CADM2: variants seen among roughly 807,000 people sequenced by gnomAD.
CADM2 encodes the protein immunoglobulin superfamily member 4D.
CADM2 carries 12 observed loss-of-function variants against 49.8 expected under a neutral mutation model. That is an observed-to-expected ratio of 0.24 (90% confidence interval 0.15 to 0.39). CADM2 has a LOEUF of 0.39. Among genes scored for constraint, CADM2 ranks in the 10% least tolerant of loss-of-function variants. CADM2 has a pLI of 1.00. For missense variants in CADM2, 378 were observed against 492.3 expected (o/e 0.77, Z 2.20); for synonymous variants, 214 against 175.4 (o/e 1.22, Z -1.74).
intron 1 of CADM2, among the ~76,000 whole-genome samples, chr3:85,423,458 G>A (rs1455684489): frequency 1.3e-5 from 2 of 152,044 alleles, no homozygotes; most frequent in African/African-American, 2.4e-5. Flanking sequence ...ATGAATCTTA[G>A]CTTTTGTCTG....
chr3:85,008,862 A>C (rs1203223819), intron 1 of CADM2, among the ~76,000 whole-genome samples: 1 of 152,218 alleles, frequency 6.6e-6, no homozygotes, highest in Non-Finnish European at 1.5e-5. Context: ...CTAGACTTTT[A>C]GAATGAAGGT....
intron 8 of CADM2, among the ~76,000 whole-genome samples, chr3:86,046,628 G>C (rs903816876): frequency 6.6e-6 from 1 of 152,084 alleles, no homozygotes; most frequent in Admixed American, 6.6e-5. Flanking sequence ...CTCAAGAAAT[G>C]TCAGTAGGGC....
chr3:84,964,071 T>C (rs1477677819), intron 1 of CADM2, among the ~76,000 whole-genome samples: 2 of 152,204 alleles, frequency 1.3e-5, no homozygotes, highest in African/African-American at 4.8e-5. Context: ...ATTGTCTTTT[T>C]CCCATTTCTA....
chr3:85,372,240 G>T (rs1220398185), intron 1 of CADM2, among the ~76,000 whole-genome samples: 1 of 151,786 alleles, frequency 6.6e-6, no homozygotes, highest in African/African-American at 2.4e-5. Flanking sequence ...TGAATGGAAA[G>T]AAGTGTTTTT....
chr3:85,114,360 G>T (rs201696191), intron 1 of CADM2, among the ~76,000 whole-genome samples: 11 of 152,110 alleles, frequency 7.2e-5, no homozygotes, highest in Admixed American at 3.3e-4. Context: ...GTGGGTAAAT[G>T]AGGACAGGTT....
At chr3:84,968,721 C>A (rs1381269266) in intron 1 of CADM2, among the ~76,000 whole-genome samples, 3 of 151,984 alleles carry the variant, frequency 2.0e-5, no homozygotes, top group Non-Finnish European at 4.4e-5. Context: ...CTTTCACTTT[C>A]CCAAACAAAA....
intron 6 of CADM2, among the ~76,000 whole-genome samples, chr3:85,933,541 C>T (rs1250929856): frequency 1.3e-5 from 2 of 151,976 alleles, no homozygotes; most frequent in Admixed American, 1.3e-4. Flanking sequence ...TAGGGTTCTC[C>T]GGAGACATGG....
At chr3:85,220,453 A>G (rs1039583310) in intron 1 of CADM2, among the ~76,000 whole-genome samples, 11 of 152,212 alleles carry the variant, frequency 7.2e-5, no homozygotes, top group African/African-American at 1.9e-4. Context: ...GAAAAACTCA[A>G]TTCATTTTTT....
At chr3:85,941,667 T>G (rs1341072268) in intron 7 of CADM2, among the ~76,000 whole-genome samples, 2 of 151,964 alleles carry the variant, frequency 1.3e-5, no homozygotes, top group African/African-American at 4.8e-5. Context: ...CAGAAGGAAT[T>G]AAGATTGAGT....
intron 1 of CADM2, among the ~76,000 whole-genome samples, chr3:85,133,586 G>A (rs1178168129): frequency 6.6e-6 from 1 of 151,256 alleles, no homozygotes; most frequent in African/African-American, 2.4e-5. Flanking sequence ...CCCTGAGCTA[G>A]ACATAAATGT....
chr3:85,563,732 A>T (rs2062168077), intron 1 of CADM2, among the ~76,000 whole-genome samples: 1 of 152,120 alleles, frequency 6.6e-6, no homozygotes. Context: ...GGTCTTCCAA[A>T]TTTGCACGGT....
intron 1 of CADM2, among the ~76,000 whole-genome samples, chr3:85,572,069 G>A (rs1016719448): frequency 1.6e-4 from 24 of 152,190 alleles, no homozygotes; most frequent in African/African-American, 5.1e-4. Context: ...GGCCGAGGCC[G>A]GTGGATCACA....
At chr3:85,970,092 T>C (rs1445259491) in intron 8 of CADM2, among the ~76,000 whole-genome samples, 1 of 147,752 alleles carries the variant, frequency 6.8e-6, no homozygotes, top group East Asian at 2.0e-4. Context: ...TTAGTTTTTA[T>C]CCCATATTGA....
At chr3:84,987,765 CAT>C (rs1290196828) in intron 1 of CADM2, among the ~76,000 whole-genome samples, 2 of 152,180 alleles carry the variant, frequency 1.3e-5, no homozygotes, top group Non-Finnish European at 2.9e-5. Flanking sequence ...GTCAGCAACT[CAT>C]ATTTGTTTAT....
intron 1 of CADM2, among the ~76,000 whole-genome samples, chr3:85,012,183 T>C (rs1472453912): frequency 6.6e-6 from 1 of 151,816 alleles, no homozygotes; most frequent in Non-Finnish European, 1.5e-5. Context: ...CCTCTATCTT[T>C]GTTACAGGCA....
intron 3 of CADM2, among the ~76,000 whole-genome samples, chr3:85,865,716 TAA>T (rs1421663634): frequency 6.6e-6 from 1 of 152,182 alleles, no homozygotes; most frequent in Non-Finnish European, 1.5e-5. Flanking sequence ...GAAGCTGTGT[TAA>T]GTCACAGCTG....
chr3:85,325,504 G>A (rs116236947), intron 1 of CADM2, among the ~76,000 whole-genome samples: 4,288 of 152,104 alleles, frequency 0.028, 183 homozygotes, highest in African/African-American at 0.097. Context: ...GAGGTCAAGC[G>A]TCTGAGACCA....
At chr3:85,206,466 C>T (rs1462906210) in intron 1 of CADM2, among the ~76,000 whole-genome samples, 1 of 151,914 alleles carries the variant, frequency 6.6e-6, no homozygotes, top group Non-Finnish European at 1.5e-5. Context: ...CGTCACCACG[C>T]CCGGCTAATT....
At chr3:85,084,310 G>A (rs2037290274) in intron 1 of CADM2, among the ~76,000 whole-genome samples, 1 of 152,104 alleles carries the variant, frequency 6.6e-6, no homozygotes, top group African/African-American at 2.4e-5. Flanking sequence ...TGTGCCTTTA[G>A]CAAAAAGAAA....
Sources: gnomAD v4.1 joint callset for allele counts (sites outside exome capture counted in the v4.1 genomes callset) on GRCh38, gnomAD v4.1.1 for gene constraint, MANE v1.5 for transcripts, NCBI Gene and HGNC (gene_info 2026-07-23, HGNC 2026-07-21) for gene names.